The following KRT23 variants were observed in gnomAD, a reference collection of about 807,000 sequenced individuals.
The protein encoded by KRT23 is keratin, type I cytoskeletal 23.
A neutral mutation model predicts 47.6 loss-of-function variants in KRT23; 38 were observed. The observed-to-expected ratio is 0.80, with a 90% CI of 0.62 to 1.05. KRT23 has a LOEUF of 1.05. Among genes scored for constraint, KRT23 ranks in the 50% least tolerant of loss-of-function variants. The pLI is 0.00. For synonymous variants in KRT23, 191 were observed against 199.0 expected, an observed-to-expected ratio of 0.96 and a Z score of 0.34; for missense variants, 503 against 529.5, an observed-to-expected ratio of 0.95 and a Z score of 0.49.
At chr17:40,932,385 G>A (rs1264873432) in intron 2 of KRT23, among the ~76,000 whole-genome samples, 1 of 152,160 alleles carries the variant, frequency 6.6e-6, no homozygotes, top group Non-Finnish European at 1.5e-5. Flanking sequence ...CAGAGAAATA[G>A]CACACATTTG....
chr17:40,930,647 C>A (rs1171153532), intron 3 of KRT23, among the ~76,000 whole-genome samples: 1 of 151,796 alleles, frequency 6.6e-6, no homozygotes, highest in Non-Finnish European at 1.5e-5. Flanking sequence ...ACCTATAGTC[C>A]CAGCTACTTG....
At chr17:40,935,652 A>G (rs180745228) in intron 2 of KRT23, among the ~76,000 whole-genome samples, 48 of 152,350 alleles carry the variant, frequency 3.2e-4, no homozygotes, top group Admixed American at 2.5e-3. Flanking sequence ...TAGGGATGTC[A>G]TGATGACCTA....
At position 40,936,490 on chromosome 17, in the gene KRT23, C is replaced by A. The variant is rs772553662; in HGVS notation, c.114G>T (p.Ala38=). 6.4e-7 allele frequency: 1 copy of A among 1,563,974 alleles called. No individual in the cohort carries two copies. The highest frequency in any genetic ancestry group is 1.9e-5 in the Admixed American group (1 of 53,994). The change falls in exon 2 of 9, where the codon GCG becomes GCT. Residue 38 remains alanine, a synonymous_variant. Coordinates refer to ENST00000209718, the MANE Select transcript of KRT23 (RefSeq NM_015515.5). ...AGGACAGGGAGATGCGGGCTCCCCCCGCACCGCCATGGACGGTGGGAGCCC... is the reference window on the plus strand; with the variant it reads ...AGGACAGGGAGATGCGGGCTCCCCCAGCACCGCCATGGACGGTGGGAGCCC... ...FPRAPTVHGG[A]GGARISLSFT... is the part of the protein sequence containing the mutation.
chr17:40,937,180 G>T (rs184572717), intron 1 of KRT23, 166 bp downstream of exon 1: 1 of 152,354 alleles, frequency 6.6e-6, no homozygotes, highest in Admixed American at 6.5e-5. Context: ...CTCAGAACAG[G>T]ATCTCAGGTC....
Position 40,930,079 on chromosome 17 carries a change from G to A in KRT23, c.497C>T (p.Ser166Phe). Reference protein sequence around the residue: ...DFNLKYENEHSFKKDLEIEVE... With the variant: ...DFNLKYENEHFFKKDLEIEVE... Reference sequence around the variant, plus strand: ...TTCAATTTCCAAGTCTTTCTTAAAGGAGTGTTCATTTTCATACCTTTGGTG... The same window carrying A: ...TTCAATTTCCAAGTCTTTCTTAAAGAAGTGTTCATTTTCATACCTTTGGTG... The change falls in exon 4 of 9, where the codon TCC becomes TTC. Residue 166 changes from serine (S) to phenylalanine (F), a missense_variant. Ser to Phe is a radical substitution (Grantham distance 155). Transcript: ENST00000209718. 6 of 1,614,114 alleles carry A rather than the reference G, an allele frequency of 3.7e-6. No individual in the cohort carries two copies. The highest frequency in any genetic ancestry group is 5.1e-6 in the Non-Finnish European group (6 of 1,179,982).
At chr17:40,936,089 A>C in intron 2 of KRT23, 119 bp downstream of exon 2, 2 of 1,069,716 alleles carry the variant, frequency 1.9e-6, no homozygotes, top group South Asian at 1.5e-5. Flanking sequence ...CTTTGTGCAC[A>C]ATTACTTCAA....
At position 40,925,386 on chromosome 17, in the gene KRT23, C is replaced by G. The variant is rs144893068; in HGVS notation, c.1110G>C (p.Thr370=). The G allele has an allele frequency of 6.2e-7, 1 of 1,613,798 alleles. No homozygotes were observed. Among genetic ancestry groups the G allele is most frequent in the South Asian group, 1.1e-5 (1 of 91,056 alleles). Residue 370 remains threonine, a synonymous_variant, in exon 7 of 9, where the codon ACG becomes ACC. Transcript: ENST00000209718. Reference sequence around the variant, plus strand: ...TCTCTCCCTCCAGGAGCCGTCGGTACGTGGTGATTTCCTTCTCCAGGTGGG... The same window carrying G: ...TCTCTCCCTCCAGGAGCCGTCGGTAGGTGGTGATTTCCTTCTCCAGGTGGG... ...IKTHLEKEIT[T]YRRLLEGESE...
At chr17:40,935,175 T>C (rs984424556) in intron 2 of KRT23, among the ~76,000 whole-genome samples, 1 of 151,884 alleles carries the variant, frequency 6.6e-6, no homozygotes, top group African/African-American at 2.4e-5. Context: ...CAGTCAGTTA[T>C]TAGGTTGATT....
At position 40,934,973 on chromosome 17, in the gene KRT23, T is replaced by C. The variant is rs186107152; in HGVS notation, c.396+1235A>G. ...TCCGCGAGCTCATAAATTATTTGAC[T>C]GGTTCTAACCTTGTATTTCTTTTGG... is the stretch of plus-strand genomic sequence containing the variant. On this transcript the variant is annotated intron_variant, in intron 2 of 8. Transcript: ENST00000209718. Among the ~76,000 whole-genome samples the C allele has an allele frequency of 1.2e-4, 19 of 152,320 alleles. No homozygotes were observed. The East Asian group carries it at 3.1e-3, about 25-fold the overall frequency.
rs187778944 is a variant in KRT23, at chr17:40,923,037, G to A, written c.1221C>T (p.Asn407=). Residue 407 remains asparagine (N), a synonymous_variant, in exon 9 of 9, where the codon AAC becomes AAT. Transcript: ENST00000209718. ...KIKAITQETI[N]GRLVLCQVNE... ...TCACTTGACAAAGAACTAATCTTCC[G>A]TTGATGGTCTCCTGGGTTATGGCCT... 2.5e-5 allele frequency: 40 copies of A among 1,614,048 alleles called. No individual in the cohort carries two copies. The highest frequency in any genetic ancestry group is 1.3e-4 in the Admixed American group (8 of 60,032).
chr17:40,936,025 A>G (rs183177824), intron 2 of KRT23, among the ~76,000 whole-genome samples, 183 bp downstream of exon 2: 17 of 152,346 alleles, frequency 1.1e-4, no homozygotes, highest in Non-Finnish European at 2.4e-4. Flanking sequence ...ATTAAACAAA[A>G]CAGACGTTTC....
Position 40,928,276 on chromosome 17 carries a change from G to C in KRT23, c.883C>G (p.Gln295Glu). 6.2e-7 allele frequency: 1 copy of C among 1,614,170 alleles called. No homozygotes were observed. The highest frequency in any genetic ancestry group is 8.5e-7 in the Non-Finnish European group (1 of 1,180,034). ...GDIHELKRTFQALEIDLQTQY... is the reference protein window; with the variant it reads ...GDIHELKRTFEALEIDLQTQY... The stretch of plus-strand genomic sequence containing the variant: ...GTCTGCAGGTCAATCTCCAGGGCCT[G>C]GAATGTGCGCTTCAGTTCGTGGATG... Residue 295 changes from glutamine to glutamate, a missense_variant, in exon 6 of 9, where the codon CAG (glutamine) becomes GAG (glutamate). Physicochemically the swap from Gln to Glu is conservative, Grantham distance 29 (BLOSUM62 2). Transcript: ENST00000209718.
chr17:40,936,153 G>A, intron 2 of KRT23, 55 bp downstream of exon 2: 5 of 1,599,030 alleles, frequency 3.1e-6, no homozygotes, highest in Non-Finnish European at 4.3e-6. Flanking sequence ...TTCCTCCCGA[G>A]GGTCCCCTGG....
chr17:40,932,274 A>AT (rs899336537), intron 2 of KRT23, among the ~76,000 whole-genome samples: 14 of 150,450 alleles, frequency 9.3e-5, no homozygotes, highest in East Asian at 3.9e-4. Flanking sequence ...TGTTCGTATA[A>AT]TTTTTTTTTT....
chr17:40,923,731 T>A (rs1270801052), intron 8 of KRT23, among the ~76,000 whole-genome samples: 2 of 152,210 alleles, frequency 1.3e-5, no homozygotes, highest in Non-Finnish European at 2.9e-5. Context: ...TGTCTTATTT[T>A]GTAGATGGGT....
At position 40,937,456 on chromosome 17, in the gene KRT23, G is replaced by GCCCCGGA. The variant is rs1910173723; in HGVS notation, c.-468_-462dup. The GCCCCGGA allele has an allele frequency of 6.6e-6, 1 of 152,328 alleles. No individual in the cohort carries two copies. The highest frequency in any genetic ancestry group is 2.4e-5 in the African/African-American group (1 of 41,456). The allele number at this position is 152,328 out of a possible 1,614,324, so 9.4% of individuals were successfully genotyped here. A position where few individuals can be genotyped will look rare whatever the true frequency, so the allele number is the denominator to read the frequency against. ...GGGAGGAATGTAGCCGTTGTTAGCA[G>GCCCCGGA]CCCCGGACCCCGGCTGAGCCTGCCA... On this transcript the variant is annotated 5_prime_UTR_variant, in exon 1 of 9. An upstream open reading frame in the 5' UTR loses its in-frame stop. Transcript: ENST00000209718.
chr17:40,929,881 G>T, intron 4 of KRT23, 59 bp downstream of exon 4: 2 of 1,525,656 alleles, frequency 1.3e-6, no homozygotes. Context: ...TGTCGAATCA[G>T]CCTGAGATGT....
At chr17:40,927,967 A>T (rs1390772924) in intron 6 of KRT23, among the ~76,000 whole-genome samples, 1 of 152,200 alleles carries the variant, frequency 6.6e-6, no homozygotes, top group Non-Finnish European at 1.5e-5. Flanking sequence ...CCTCATCTCT[A>T]AAATGGGGAC....
At chr17:40,936,096 T>G (rs1182658302) in intron 2 of KRT23, 112 bp downstream of exon 2, 1 of 1,163,620 alleles carries the variant, frequency 8.6e-7, no homozygotes, top group Non-Finnish European at 1.2e-6. Context: ...CACAATTACT[T>G]CAAGCGCTGA....
Sources: gnomAD v4.1 joint callset for allele counts (sites outside exome capture counted in the v4.1 genomes callset) on GRCh38, gnomAD v4.1.1 for gene constraint, MANE v1.5 for transcripts, NCBI Gene and HGNC (gene_info 2026-07-23, HGNC 2026-07-21) for gene names.